The following UST variants were observed in gnomAD, a reference collection of about 807,000 sequenced individuals.
UST encodes the protein chondroitin sulfate 2-O-sulfotransferase.
Under a neutral mutation model 45.6 loss-of-function variants are expected in UST, and 21 were observed. The ratio of observed to expected loss-of-function variants is 0.46; its 90% confidence interval spans 0.33 to 0.66. The LOEUF is 0.66. UST is among the 30% of genes least tolerant of loss of function. The pLI, the probability that UST is intolerant of heterozygous loss-of-function variation, is 0.02. For synonymous variants in UST, 215 were observed against 200.6 expected (o/e 1.07, Z -0.61); for missense variants, 463 against 512.4 (o/e 0.90, Z 0.93).
In UST at chr6:148,790,639, G is replaced by T. The variant is rs1393369887; in HGVS notation, c.247+42962G>T. Among the ~76,000 whole-genome samples the T allele has an allele frequency of 2.0e-5, 3 of 152,186 alleles. No individual in the cohort carries two copies. The highest frequency in any genetic ancestry group is 4.4e-5 in the Non-Finnish European group (3 of 68,032). On this transcript the variant is annotated intron_variant, in intron 1 of 7. Coordinates refer to ENST00000367463, the MANE Select transcript of UST (RefSeq NM_005715.3). The surrounding 1 kb of genome is among the most constrained non-coding windows in gnomAD (Gnocchi z 4.2). Reference sequence around the variant, plus strand: ...TGAGCATGGCTACCGATGTGTCATGGCTGGGTCCCTCCTTCAGCCTGGAAG... The same window carrying T: ...TGAGCATGGCTACCGATGTGTCATGTCTGGGTCCCTCCTTCAGCCTGGAAG...
rs533976345 is a variant in UST at position 148,974,689 on chromosome 6, C to T, written c.681+10126C>T. On this transcript the variant is annotated intron_variant, in intron 5 of 7. Transcript: ENST00000367463. The stretch of plus-strand genomic sequence containing the variant: ...GAAAGAATTTTAACCAAAGCTTACT[C>T]AATTTCATGACAAGCAAAGCTTTTA... Among the ~76,000 whole-genome samples the T allele has an allele frequency of 1.7e-4, 26 of 152,308 alleles. 1 individual carries two copies. The highest frequency in any genetic ancestry group is 6.3e-4 in the African/African-American group (26 of 41,558).
In UST at chr6:148,957,026, C is replaced by A. The variant is rs113117548; in HGVS notation, c.527+3075C>A. ...GGGGAGAGCATTCCCAGCACAGCGA[C>A]CAGCAGAAGAGCAGGGCCAAGAGGA... is the stretch of plus-strand genomic sequence containing the variant. On this transcript the variant is annotated intron_variant, in intron 4 of 7. Coordinates refer to ENST00000367463, the MANE Select transcript of UST (RefSeq NM_005715.3). Among the ~76,000 whole-genome samples the A allele has an allele frequency of 6.3e-3, 963 of 152,218 alleles. 16 individuals carry two copies. The highest frequency in any genetic ancestry group is 0.022 in the African/African-American group (916 of 41,512).
At chr6:148,926,617 A>C (rs1253817949) in intron 2 of UST, among the ~76,000 whole-genome samples, 3 of 152,156 alleles carry the variant, frequency 2.0e-5, no homozygotes, top group Non-Finnish European at 4.4e-5. Flanking sequence ...CAGGGAGGAG[A>C]ATAGAATGGA....
At chr6:148,946,871 TTC>T (rs1780251199) in intron 3 of UST, among the ~76,000 whole-genome samples, 1 of 149,802 alleles carries the variant, frequency 6.7e-6, no homozygotes, top group African/African-American at 2.5e-5. Context: ...TACAGCAGAT[TTC>T]TCTGTTTTTT....
intron 2 of UST, among the ~76,000 whole-genome samples, chr6:148,904,817 C>A (rs1779326305): frequency 6.6e-6 from 1 of 152,206 alleles, no homozygotes; most frequent in African/African-American, 2.4e-5. Flanking sequence ...CTGCACCCAG[C>A]CAATTTAGTA....
intron 7 of UST, among the ~76,000 whole-genome samples, chr6:149,052,681 A>G (rs2115037213): frequency 6.6e-6 from 1 of 152,330 alleles, no homozygotes; most frequent in South Asian, 2.1e-4. Flanking sequence ...GTAGGATTCT[A>G]TGAAATGTTA....
intron 4 of UST, chr6:148,958,933 C>T (rs567890757): frequency 6.6e-6 from 1 of 152,404 alleles, no homozygotes; most frequent in East Asian, 1.9e-4. Context: ...CTTCCCTTAT[C>T]CTTTTTTCAC....
chr6:149,069,344 T>C (rs113403531), intron 7 of UST, among the ~76,000 whole-genome samples: 2 of 152,338 alleles, frequency 1.3e-5, no homozygotes, highest in Admixed American at 6.5e-5. Context: ...GCTGTTCTAA[T>C]TGGCATTCCC....
At chr6:148,889,442 A>AG (rs780872293) in intron 2 of UST, among the ~76,000 whole-genome samples, 1 of 152,122 alleles carries the variant, frequency 6.6e-6, no homozygotes, top group Non-Finnish European at 1.5e-5. Context: ...GGGACAATAG[A>AG]GGGGGAAAAG....
chr6:148,752,658 C>T (rs1019736930), intron 1 of UST, among the ~76,000 whole-genome samples: 1 of 152,134 alleles, frequency 6.6e-6, no homozygotes, highest in Admixed American at 6.5e-5. Flanking sequence ...GTCATCAATC[C>T]AGGCTTAAGA....
chr6:148,978,822 C>T (rs1781073972), intron 5 of UST, among the ~76,000 whole-genome samples: 1 of 151,914 alleles, frequency 6.6e-6, no homozygotes, highest in South Asian at 2.1e-4. Flanking sequence ...ATATGTATTC[C>T]AGAACTTAAG....
At chr6:149,065,170 G>A (rs985881134) in intron 7 of UST, among the ~76,000 whole-genome samples, 1 of 152,142 alleles carries the variant, frequency 6.6e-6, no homozygotes, top group Non-Finnish European at 1.5e-5. Flanking sequence ...CCCAAGGAAT[G>A]CTACTAATAA....
intron 5 of UST, among the ~76,000 whole-genome samples, chr6:148,984,718 C>T (rs1412980960): frequency 6.6e-6 from 1 of 152,128 alleles, no homozygotes; most frequent in African/African-American, 2.4e-5. Flanking sequence ...CTGTGTTTCC[C>T]AGGCTGGTCC....
At chr6:148,878,439 G>A in intron 1 of UST, among the ~76,000 whole-genome samples, 1 of 127,608 alleles carries the variant, frequency 7.8e-6, no homozygotes, top group Non-Finnish European at 1.6e-5. Context: ...TGAGTGTGGG[G>A]GATCGTGTAT....
intron 1 of UST, among the ~76,000 whole-genome samples, chr6:148,876,391 A>G (rs1375111597): frequency 6.6e-6 from 1 of 152,206 alleles, no homozygotes; most frequent in East Asian, 1.9e-4. Context: ...ATATCAATAT[A>G]TTTAATTATC....
intron 1 of UST, among the ~76,000 whole-genome samples, chr6:148,883,194 CTTATT>C (rs1465203014): frequency 2.0e-5 from 3 of 152,188 alleles, no homozygotes; most frequent in Non-Finnish European, 4.4e-5. Context: ...ACACTGTTCT[CTTATT>C]TTAGTATTTC....
At chr6:148,868,164 GATA>G (rs1182780516) in intron 1 of UST, among the ~76,000 whole-genome samples, 1 of 133,148 alleles carries the variant, frequency 7.5e-6, no homozygotes, top group Admixed American at 7.4e-5. Flanking sequence ...TTTGCACCAT[GATA>G]ATGACTTTAT....
intron 4 of UST, chr6:148,955,942 C>T (rs1192241855): frequency 6.6e-6 from 1 of 152,128 alleles, no homozygotes; most frequent in Non-Finnish European, 1.5e-5. Context: ...CTGTGATGGC[C>T]TCTACCAACA....
chr6:148,876,571 T>A (rs912000999), intron 1 of UST, among the ~76,000 whole-genome samples: 3 of 152,106 alleles, frequency 2.0e-5, no homozygotes, highest in Non-Finnish European at 4.4e-5. Context: ...CTGGGCCATG[T>A]TCTTTGTCAC....
Sources: allele counts gnomAD v4.1 joint callset (sites outside exome capture counted in the v4.1 genomes callset), GRCh38; gene constraint gnomAD v4.1.1; non-coding constraint Gnocchi (gnomAD v3.1); transcripts MANE v1.5; gene names NCBI Gene and HGNC (gene_info 2026-07-23, HGNC 2026-07-21).